UST: variants seen among roughly 807,000 people sequenced by gnomAD.
UST encodes chondroitin sulfate 2-O-sulfotransferase.
Under a neutral mutation model 45.6 loss-of-function variants are expected in UST, and 21 were observed. That is an observed-to-expected ratio of 0.46 (90% confidence interval 0.33 to 0.66). The LOEUF (loss-of-function observed/expected upper bound fraction) is 0.66, where lower values mean the gene tolerates loss of function less well. Among genes scored for constraint, UST ranks in the 30% least tolerant of loss-of-function variants. The pLI, the probability that UST is intolerant of heterozygous loss-of-function variation, is 0.02. For missense variants in UST, 463 were observed against 512.4 expected (o/e 0.90, Z 0.93); for synonymous variants, 215 against 200.6 (o/e 1.07, Z -0.61).
chr6:148,940,706 T>C (rs1413021714), intron 2 of UST, among the ~76,000 whole-genome samples: 1 of 152,224 alleles, frequency 6.6e-6, no homozygotes, highest in Non-Finnish European at 1.5e-5. Flanking sequence ...TTGTTTATTA[T>C]ACCCATCCTC....
At chr6:148,794,144 C>A (rs11155595) in intron 1 of UST, among the ~76,000 whole-genome samples, 29,101 of 152,154 alleles carry the variant, frequency 0.19, 3,499 homozygotes, top group Admixed American at 0.26. Context: ...TTCAACTTTC[C>A]TGAATTATTT....
chr6:148,823,841 C>T (rs1257079451), intron 1 of UST, among the ~76,000 whole-genome samples: 1 of 152,120 alleles, frequency 6.6e-6, no homozygotes, highest in Non-Finnish European at 1.5e-5. Flanking sequence ...GTTGATGATG[C>T]AGGATGTTCG....
chr6:149,031,433 G>C (rs1417089853), intron 7 of UST, among the ~76,000 whole-genome samples: 2 of 152,070 alleles, frequency 1.3e-5, no homozygotes, highest in Non-Finnish European at 2.9e-5. Flanking sequence ...CAGCCTCTAG[G>C]CTTGTTTAAT....
intron 7 of UST, among the ~76,000 whole-genome samples, chr6:149,065,312 CT>C (rs1776716199): frequency 6.6e-6 from 1 of 152,144 alleles, no homozygotes; most frequent in Non-Finnish European, 1.5e-5. Flanking sequence ...GTCCATGTAG[CT>C]TTGTTTTGTT....
At chr6:148,831,941 T>G (rs992982887) in intron 1 of UST, among the ~76,000 whole-genome samples, 1 of 152,248 alleles carries the variant, frequency 6.6e-6, no homozygotes, top group Non-Finnish European at 1.5e-5. Context: ...CCCAACCTGA[T>G]GATAAACAAT....
chr6:149,036,377 C>T (rs935337520), intron 7 of UST, among the ~76,000 whole-genome samples: 5 of 152,226 alleles, frequency 3.3e-5, no homozygotes. Context: ...TGCCTCCAAC[C>T]GCATTTCATC....
chr6:149,055,572 C>G (rs1776550652), intron 7 of UST, among the ~76,000 whole-genome samples: 1 of 151,976 alleles, frequency 6.6e-6, no homozygotes, highest in Admixed American at 6.5e-5. Context: ...ATGCAGTTTC[C>G]AAAGTGAACC....
At position 148,951,504 on chromosome 6, in the gene UST, C is replaced by T. The variant is rs138515810; in HGVS notation, c.448-2368C>T. ...TCAGACTAAAGGCCAGGAGTGGTCC[C>T]GCATGAGCCAGGGAGAGGAGAGGTG... On this transcript the variant is annotated intron_variant, in intron 3 of 7. Coordinates refer to ENST00000367463, the MANE Select transcript of UST (RefSeq NM_005715.3). Among the ~76,000 whole-genome samples the T allele has an allele frequency of 6.9e-3, 1,048 of 152,218 alleles. 10 individuals carry two copies. Among genetic ancestry groups the T allele is most frequent in the Middle Eastern group, 0.024 (7 of 294 alleles).
intron 1 of UST, among the ~76,000 whole-genome samples, chr6:148,826,933 C>G (rs183409224): frequency 6.6e-5 from 10 of 152,212 alleles, no homozygotes; most frequent in African/African-American, 2.4e-4. Flanking sequence ...TCTGTTCTGC[C>G]TCTCTGTGAT....
At chr6:148,856,387 CAAAT>C (rs547585235) in intron 1 of UST, among the ~76,000 whole-genome samples, 33 of 152,244 alleles carry the variant, frequency 2.2e-4, no homozygotes, top group African/African-American at 5.3e-4. Flanking sequence ...TCATGCTAAA[CAAAT>C]AAAACCAGAG....
intron 1 of UST, among the ~76,000 whole-genome samples, chr6:148,800,360 A>G (rs534781695): frequency 2.0e-5 from 3 of 152,248 alleles, no homozygotes; most frequent in South Asian, 2.1e-4. Context: ...TCACATTTTT[A>G]CTTCATCTTT....
chr6:148,915,028 T>C (rs1779557951), intron 2 of UST, among the ~76,000 whole-genome samples: 1 of 152,078 alleles, frequency 6.6e-6, no homozygotes, highest in South Asian at 2.1e-4. Context: ...CCTTCTCACA[T>C]GGTGGAGGGG....
At chr6:148,859,777 C>G in intron 1 of UST, among the ~76,000 whole-genome samples, 1 of 152,138 alleles carries the variant, frequency 6.6e-6, no homozygotes, top group Non-Finnish European at 1.5e-5. Context: ...TGGTTTTTGT[C>G]AGGTTTGTCA....
At chr6:148,825,623 C>A (rs369533310) in intron 1 of UST, among the ~76,000 whole-genome samples, 324 of 152,298 alleles carry the variant, frequency 2.1e-3, no homozygotes, top group African/African-American at 7.1e-3. Context: ...TGGGACCATC[C>A]ATCTTTCCAC....
chr6:148,749,175 G>T (rs761235224), intron 1 of UST, among the ~76,000 whole-genome samples: 2 of 152,152 alleles, frequency 1.3e-5, no homozygotes, highest in African/African-American at 2.4e-5. Flanking sequence ...AGAGGATTTG[G>T]GGCAATATAT....
chr6:149,059,367 C>T (rs1267904535), intron 7 of UST, among the ~76,000 whole-genome samples: 2 of 152,202 alleles, frequency 1.3e-5, no homozygotes, highest in South Asian at 2.1e-4. Flanking sequence ...TAAGTTTGTC[C>T]GGCAGGGTGT....
At chr6:148,878,662 A>G (rs1372509541) in intron 1 of UST, among the ~76,000 whole-genome samples, 1 of 63,252 alleles carries the variant, frequency 1.6e-5, no homozygotes, top group African/African-American at 6.7e-5. Flanking sequence ...GTCGTGTATA[A>G]GTGCGGGGGT....
chr6:148,866,736 C>T (rs989414694), intron 1 of UST, among the ~76,000 whole-genome samples: 1 of 152,088 alleles, frequency 6.6e-6, no homozygotes, highest in Non-Finnish European at 1.5e-5. Flanking sequence ...ATTTATAACC[C>T]CGTGTTATTG....
At chr6:148,856,560 A>G (rs1308091738) in intron 1 of UST, among the ~76,000 whole-genome samples, 1 of 152,186 alleles carries the variant, frequency 6.6e-6, no homozygotes, top group Non-Finnish European at 1.5e-5. Context: ...TTAGTCAATA[A>G]AGGCCAGTGA....
Sources: gnomAD v4.1 joint callset for allele counts (sites outside exome capture counted in the v4.1 genomes callset) on GRCh38, gnomAD v4.1.1 for gene constraint, MANE v1.5 for transcripts, NCBI Gene and HGNC (gene_info 2026-07-23, HGNC 2026-07-21) for gene names.